Variants in MLLT10 observed in about 807,000 individuals in gnomAD.
The protein encoded by MLLT10 is MLLT10 histone lysine methyltransferase DOT1L cofactor, also known as protein AF-10.
A neutral mutation model predicts 129.1 loss-of-function variants in MLLT10; 30 were observed. The ratio of observed to expected loss-of-function variants is 0.23; its 90% CI spans 0.17 to 0.32. The LOEUF (loss-of-function observed/expected upper bound fraction) is 0.32. Ranked by LOEUF, MLLT10 falls within the 10% of genes least tolerant of loss-of-function variation. MLLT10 has a pLI of 1.00. For missense variants in MLLT10, 1,119 were observed against 1,268.3 expected, an observed-to-expected ratio of 0.88 and a Z score of 1.79; for synonymous variants, 490 against 446.4, an observed-to-expected ratio of 1.10 and a Z score of -1.23.
intron 14 of MLLT10, among the ~76,000 whole-genome samples, chr10:21,716,624 G>A (rs2131525756): frequency 6.6e-6 from 1 of 151,802 alleles, no homozygotes; most frequent in East Asian, 1.9e-4. Context: ...AACATGGGAA[G>A]TGGAGGCTGT....
chr10:21,650,612 TA>T (rs1289030209), intron 8 of MLLT10, among the ~76,000 whole-genome samples: 1 of 152,070 alleles, frequency 6.6e-6, no homozygotes. Context: ...TGGTCTGATT[TA>T]AGCTTCATGA....
intron 3 of MLLT10, among the ~76,000 whole-genome samples, chr10:21,550,710 T>A (rs1362675073): frequency 6.6e-6 from 1 of 152,064 alleles, no homozygotes; most frequent in Non-Finnish European, 1.5e-5. Context: ...TTTTGTATTT[T>A]TAGTAGAGAC....
At chr10:21,736,871 T>G (rs1208251741) in intron 21 of MLLT10, among the ~76,000 whole-genome samples, 1 of 152,180 alleles carries the variant, frequency 6.6e-6, no homozygotes, top group Non-Finnish European at 1.5e-5. Flanking sequence ...CCATCAGATT[T>G]GATGCGGACT....
intron 8 of MLLT10, among the ~76,000 whole-genome samples, chr10:21,647,351 T>C (rs1404479790): frequency 3.9e-5 from 6 of 152,352 alleles, no homozygotes; most frequent in Non-Finnish European, 8.8e-5. Flanking sequence ...TTATAGTTTC[T>C]AACTCTTGTT....
chr10:21,676,508 G>A (rs1305139177), intron 11 of MLLT10, among the ~76,000 whole-genome samples: 1 of 151,716 alleles, frequency 6.6e-6, no homozygotes, highest in African/African-American at 2.4e-5. Context: ...GTCACCTGAG[G>A]TCAAGAGATC....
chr10:21,614,812 A>G lies in MLLT10; in HGVS notation c.510-19A>G, dbSNP rs2045067540. The G allele has an allele frequency of 2.5e-6, 4 of 1,600,142 alleles. No homozygotes were observed. The highest frequency in any genetic ancestry group is 1.1e-5 in the South Asian group (1 of 88,812). On this transcript the variant is annotated intron_variant, in intron 6 of 22. Transcript: ENST00000307729. Reference sequence around the variant, plus strand: ...GTGATTTTAGTATATCAATAAATATACTTGGCTTTTATTTTCAGCGCTCAG... The same window carrying G: ...GTGATTTTAGTATATCAATAAATATGCTTGGCTTTTATTTTCAGCGCTCAG...
At chr10:21,593,119 G>GAT (rs931919480) in intron 4 of MLLT10, among the ~76,000 whole-genome samples, 2 of 147,522 alleles carry the variant, frequency 1.4e-5, no homozygotes, top group African/African-American at 5.0e-5. Flanking sequence ...TTTGTCTTGA[G>GAT]ATAGGGTCTC....
intron 3 of MLLT10, among the ~76,000 whole-genome samples, chr10:21,583,712 A>G (rs2041698896): frequency 6.6e-6 from 1 of 152,158 alleles, no homozygotes; most frequent in Admixed American, 6.6e-5. Context: ...TAACAACAGC[A>G]AGAAACTCAC....
At chr10:21,562,270 C>G (rs1294390902) in intron 3 of MLLT10, among the ~76,000 whole-genome samples, 1 of 151,690 alleles carries the variant, frequency 6.6e-6, no homozygotes, top group Non-Finnish European at 1.5e-5. Flanking sequence ...CAAAAACATT[C>G]TTGGGATTTT....
chr10:21,613,933 G>A (rs1418193192), intron 6 of MLLT10, among the ~76,000 whole-genome samples: 1 of 151,254 alleles, frequency 6.6e-6, no homozygotes, highest in Non-Finnish European at 1.5e-5. Context: ...CAAACAAAAC[G>A]AATATTAGCT....
chr10:21,610,762 A>G (rs2131187555), intron 5 of MLLT10, among the ~76,000 whole-genome samples: 1 of 151,732 alleles, frequency 6.6e-6, no homozygotes, highest in Non-Finnish European at 1.5e-5. Flanking sequence ...ATTTTGCCAT[A>G]TAGAGTGTTA....
Position 21,721,963 on chromosome 10 carries a change from G to A in MLLT10, c.1879-4281G>A, listed in dbSNP as rs1448408246. On this transcript the variant is annotated intron_variant, in intron 14 of 22. Transcript: ENST00000307729. Reference sequence around the variant, plus strand: ...CAGAAGTGATTTTTATCAGTTATTGGTCTTGGGAAAGGGGAAGGATTCCTC... The same window carrying A: ...CAGAAGTGATTTTTATCAGTTATTGATCTTGGGAAAGGGGAAGGATTCCTC... 5.9e-5 allele frequency among the ~76,000 whole-genome samples: 9 copies of A among 151,862 alleles called. No homozygotes were observed. The East Asian group carries it at 1.7e-3, about 29-fold the overall frequency.
At chr10:21,708,372 T>C (rs1460220285) in intron 13 of MLLT10, among the ~76,000 whole-genome samples, 1 of 152,180 alleles carries the variant, frequency 6.6e-6, no homozygotes, top group Admixed American at 6.5e-5. Context: ...AAACAGCATA[T>C]GACTTAAGAT....
In MLLT10 at chr10:21,580,175, C is replaced by T. The variant is rs771511405; in HGVS notation, c.241-6119C>T. On this transcript the variant is annotated intron_variant, in intron 3 of 22. Coordinates refer to ENST00000307729, the MANE Select transcript of MLLT10 (RefSeq NM_001195626.3). ...TTGGGACTGCAGACTGGTGCTGCCA[C>T]GCTCGGCTTATAGTTTCTTTTTTAT... 4.0e-5 allele frequency among the ~76,000 whole-genome samples: 6 copies of T among 151,680 alleles called. No homozygotes were observed. The East Asian group carries it at 5.8e-4, about 15-fold the overall frequency.
rs548627981 is a variant in MLLT10 at position 21,691,837 on chromosome 10, C to G, written c.1699+9580C>G. Among the ~76,000 whole-genome samples the G allele has an allele frequency of 4.0e-5, 6 of 151,722 alleles. 1 individual carries two copies. The highest frequency in any genetic ancestry group is 1.5e-4 in the African/African-American group (6 of 41,376). ...GGGTAAATCAGATGAAGAAAACTTC[C>G]TAGAAAGAAGGAAAGTACCAATACT... On this transcript the variant is annotated intron_variant, in intron 13 of 22. Transcript: ENST00000307729.
chr10:21,603,219 A>AT (rs75168518), intron 5 of MLLT10, among the ~76,000 whole-genome samples: 7,441 of 128,582 alleles, frequency 0.058, 314 homozygotes, highest in Middle Eastern at 0.095. Flanking sequence ...TGCTCGGCTA[A>AT]TTTTTTTTTT....
intron 8 of MLLT10, among the ~76,000 whole-genome samples, chr10:21,630,270 A>G (rs2046876816): frequency 6.6e-6 from 1 of 152,254 alleles, no homozygotes. Context: ...GGGCTGGAAC[A>G]TAGAGTTACA....
Position 21,726,307 on chromosome 10 carries a change from A to T in MLLT10, c.1942A>T (p.Asn648Tyr). 6.2e-7 allele frequency: 1 copy of T among 1,613,464 alleles called. No individual in the cohort carries two copies. ...APSHMYGNRS[N>Y]SSMAALIAQS... ...ATCTCATATGTATGGCAATAGATCA[A>T]ATTCATCAATGGCAGCTCTTATAGC... Residue 648 changes from asparagine (N) to tyrosine (Y), a missense_variant, in exon 15 of 23, where the codon AAT becomes TAT. Around this residue, in one of 5 missense-constraint regions of MLLT10, gnomAD observed 1,004 missense variants for 1,008.7 expected, o/e 1.00. Transcript: ENST00000307729.
At chr10:21,623,734 TAGAA>T (rs2046140657) in intron 8 of MLLT10, among the ~76,000 whole-genome samples, 1 of 152,222 alleles carries the variant, frequency 6.6e-6, no homozygotes, top group South Asian at 2.1e-4. Flanking sequence ...TTATACTTGT[TAGAA>T]AGTTTTAAAA....
Sources: allele counts gnomAD v4.1 joint callset (sites outside exome capture counted in the v4.1 genomes callset), GRCh38; gene constraint gnomAD v4.1.1; regional missense constraint gnomAD v4.1.1; transcripts MANE v1.5; gene names NCBI Gene and HGNC (gene_info 2026-07-23, HGNC 2026-07-21).